The following PRKN variants were observed in gnomAD, a reference collection of about 807,000 sequenced individuals.
PRKN encodes the protein parkin RBR E3 ubiquitin protein ligase.
Under a neutral mutation model 59.5 loss-of-function variants are expected in PRKN, and 56 were observed. The ratio of observed to expected loss-of-function variants is 0.94; its 90% confidence interval spans 0.76 to 1.18. The LOEUF is 1.18. Ranked by LOEUF, PRKN falls within the 50% of genes most tolerant of loss-of-function variation. The pLI is 0.00. For synonymous variants in PRKN, 250 were observed against 222.1 expected (o/e 1.13, Z -1.12); for missense variants, 657 against 596.4 (o/e 1.10, Z -1.06).
intron 2 of PRKN, among the ~76,000 whole-genome samples, chr6:162,277,701 T>C (rs76165579): frequency 0.014 from 2,144 of 151,606 alleles, 56 homozygotes; most frequent in African/African-American, 0.046. Context: ...ACATCTTATG[T>C]CCTCAGGGAG....
chr6:161,388,838 A>T lies in PRKN; in HGVS notation c.1084-1961T>A, dbSNP rs1191590152. ...AGCCCTGTCTGAGCTTTTAGTAGACAGCCAGCACCAACTTGCCAGCTATGT... is the reference window on the plus strand; with the variant it reads ...AGCCCTGTCTGAGCTTTTAGTAGACTGCCAGCACCAACTTGCCAGCTATGT... On this transcript the variant is annotated intron_variant, in intron 9 of 11. Transcript: ENST00000366898. This position sits in a 1 kb window ranked among gnomAD's most constrained non-coding sequence, Gnocchi z 4.3. Among the ~76,000 whole-genome samples, 6 of 152,262 alleles carry T rather than the reference A, an allele frequency of 3.9e-5. No homozygotes were observed. Among genetic ancestry groups the T allele is most frequent in the Non-Finnish European group, 8.8e-5 (6 of 68,040 alleles).
rs1365015189 is a variant in PRKN, at chr6:161,550,742, T to TGCAC, written c.934-1740_934-1739insGTGC. On this transcript the variant is annotated intron_variant, in intron 8 of 11. Transcript: ENST00000366898. This position sits in a 1 kb window ranked among gnomAD's most constrained non-coding sequence, Gnocchi z 4.0. ...AAGGGTATGTGTGTGTGTGCACGTG[T>TGCAC]GTGTGTGTGTGTGTGTGTGTAGGGA... Among the ~76,000 whole-genome samples the TGCAC allele has an allele frequency of 2.7e-5, 4 of 150,266 alleles. No homozygotes were observed. The highest frequency in any genetic ancestry group is 6.6e-5 in the Admixed American group (1 of 15,118).
intron 2 of PRKN, among the ~76,000 whole-genome samples, chr6:162,356,487 C>T (rs1473254335): frequency 6.6e-6 from 1 of 152,006 alleles, no homozygotes; most frequent in Admixed American, 6.6e-5. Context: ...GGGCCCCAGA[C>T]TACCATAGTA....
In PRKN at chr6:161,530,123, C is replaced by T. The variant is rs1779150267; in HGVS notation, c.1083+18731G>A. Among the ~76,000 whole-genome samples the T allele has an allele frequency of 6.6e-6, 1 of 152,170 alleles. No individual in the cohort carries two copies. Among genetic ancestry groups the T allele is most frequent in the Admixed American group, 6.5e-5 (1 of 15,274 alleles). On this transcript the variant is annotated intron_variant, in intron 9 of 11. Coordinates refer to ENST00000366898, the MANE Select transcript of PRKN (RefSeq NM_004562.3). This position sits in a 1 kb window ranked among gnomAD's most constrained non-coding sequence, Gnocchi z 5.0. The stretch of plus-strand genomic sequence containing the variant: ...CGTGGCTGTGCACACGGGCTTCTTG[C>T]CATCACTTAAATGGACACTTCTCAA...
intron 3 of PRKN, among the ~76,000 whole-genome samples, chr6:162,262,210 G>A (rs750926214): frequency 4.6e-5 from 7 of 152,108 alleles, no homozygotes; most frequent in Non-Finnish European, 7.3e-5. Context: ...TGGCATATCT[G>A]GCTTTAGAAA....
Position 161,963,956 on chromosome 6 carries a change from A to AAGAC in PRKN, c.734+9342_734+9345dup, listed in dbSNP as rs553551522. Among the ~76,000 whole-genome samples the AAGAC allele has an allele frequency of 6.4e-3, 965 of 151,014 alleles. 8 individuals carry two copies. Among genetic ancestry groups the AAGAC allele is most frequent in the Middle Eastern group, 0.02 (6 of 294 alleles). ...ATTTTTCTACTCTTACTGGTTTTTA[A>AAGAC]AGACAGACACACAGGACAACAGCGA... On this transcript the variant is annotated intron_variant, in intron 6 of 11. Coordinates refer to ENST00000366898, the MANE Select transcript of PRKN (RefSeq NM_004562.3).
chr6:162,686,760 G>A (rs1777571167), intron 1 of PRKN, among the ~76,000 whole-genome samples: 2 of 152,132 alleles, frequency 1.3e-5, no homozygotes, highest in African/African-American at 2.4e-5. Context: ...ATATACTCCT[G>A]AGAACATCTC....
chr6:162,549,001 T>TTATGGACTCAATCTTCCCCTCACATTTA (rs1466648841), intron 1 of PRKN, among the ~76,000 whole-genome samples: 2 of 151,886 alleles, frequency 1.3e-5, no homozygotes, highest in African/African-American at 2.4e-5. Flanking sequence ...TCTGAGGCTG[T>TTATGGACTCAATCTTCCCCTCACATTTA]TATGGACTCA....
Position 161,376,088 on chromosome 6 carries a change from C to T in PRKN, c.1167+10706G>A, listed in dbSNP as rs1263811195. ...TGAGAGACGGCTCTGCGGTGAGATG[C>T]TGGGGCAAAATAGATCAAAAAAGAT... On this transcript the variant is annotated intron_variant, in intron 10 of 11. Transcript: ENST00000366898. This position sits in a 1 kb window ranked among gnomAD's most constrained non-coding sequence, Gnocchi z 7.3. 6.6e-6 allele frequency among the ~76,000 whole-genome samples: 1 copy of T among 152,190 alleles called. No individual in the cohort carries two copies. The highest frequency in any genetic ancestry group is 1.9e-4 in the East Asian group (1 of 5,184).
At chr6:162,240,031 T>C (rs902448114) in intron 3 of PRKN, among the ~76,000 whole-genome samples, 1 of 152,086 alleles carries the variant, frequency 6.6e-6, no homozygotes, top group Non-Finnish European at 1.5e-5. Context: ...TCATAGTAAA[T>C]CTTTATGAAG....
intron 1 of PRKN, among the ~76,000 whole-genome samples, chr6:162,677,768 G>T (rs545151005): frequency 6.6e-6 from 1 of 152,118 alleles, no homozygotes; most frequent in Non-Finnish European, 1.5e-5. Context: ...TTGAAAAAGC[G>T]CTTACCTAGG....
At chr6:161,542,410 C>G (rs1395522552) in intron 9 of PRKN, among the ~76,000 whole-genome samples, 1 of 152,214 alleles carries the variant, frequency 6.6e-6, no homozygotes, top group Non-Finnish European at 1.5e-5. Context: ...TGTCTGCCAA[C>G]TGATAGATGC....
intron 6 of PRKN, among the ~76,000 whole-genome samples, chr6:161,797,618 T>G (rs948168352): frequency 6.6e-6 from 1 of 152,154 alleles, no homozygotes; most frequent in Non-Finnish European, 1.5e-5. Flanking sequence ...TTGTCTGAAG[T>G]AGAGTGGTTT....
At chr6:161,649,972 C>T (rs1358115200) in intron 7 of PRKN, among the ~76,000 whole-genome samples, 1 of 152,180 alleles carries the variant, frequency 6.6e-6, no homozygotes, top group African/African-American at 2.4e-5. Flanking sequence ...TGAGGAAGCC[C>T]AAGCCACATG....
At chr6:162,586,645 T>G (rs920087154) in intron 1 of PRKN, among the ~76,000 whole-genome samples, 3 of 152,202 alleles carry the variant, frequency 2.0e-5, no homozygotes, top group Non-Finnish European at 2.9e-5. Flanking sequence ...GTTCGTAATT[T>G]GACAGCTGCT....
chr6:161,488,240 A>G lies in PRKN; in HGVS notation c.1083+60614T>C, dbSNP rs1244712515. On this transcript the variant is annotated intron_variant, in intron 9 of 11. Coordinates refer to ENST00000366898, the MANE Select transcript of PRKN (RefSeq NM_004562.3). This position sits in a 1 kb window ranked among gnomAD's most constrained non-coding sequence, Gnocchi z 4.5. ...GAGTCATGGCCCTAGGAAGAGGACAAGTCTGCTTCATTTAGAGAACACCAT... is the reference window on the plus strand; with the variant it reads ...GAGTCATGGCCCTAGGAAGAGGACAGGTCTGCTTCATTTAGAGAACACCAT... Among the ~76,000 whole-genome samples the G allele has an allele frequency of 2.6e-5, 4 of 152,144 alleles. No individual in the cohort carries two copies. Among genetic ancestry groups the G allele is most frequent in the Non-Finnish European group, 5.9e-5 (4 of 68,026 alleles).
intron 1 of PRKN, chr6:162,569,225 C>A: frequency 1.8e-6 from 1 of 571,076 alleles, no homozygotes. Flanking sequence ...CATCAGCCAG[C>A]CCCAGGCTGA....
At chr6:162,295,122 G>A (rs9355999) in intron 2 of PRKN, among the ~76,000 whole-genome samples, 6,245 of 152,242 alleles carry the variant, frequency 0.041, 184 homozygotes, top group African/African-American at 0.081. Flanking sequence ...CGGCATGCAC[G>A]CAGCCTCCCA....
chr6:162,162,623 T>A (rs932752353), intron 4 of PRKN, among the ~76,000 whole-genome samples: 33 of 152,204 alleles, frequency 2.2e-4, no homozygotes, highest in African/African-American at 7.7e-4. Context: ...AATACCTTCA[T>A]AAGACTTTTC....
Sources: gnomAD v4.1 joint callset for allele counts (sites outside exome capture counted in the v4.1 genomes callset) on GRCh38, gnomAD v4.1.1 for gene constraint, Gnocchi (gnomAD v3.1) non-coding constraint, MANE v1.5 for transcripts, NCBI Gene and HGNC (gene_info 2026-07-23, HGNC 2026-07-21) for gene names.